Variants in GRIN2A observed in about 807,000 individuals in gnomAD.
GRIN2A encodes the protein glutamate ionotropic receptor NMDA type subunit 2A.
In GRIN2A, 22 loss-of-function variants were observed where a neutral mutation model predicts 113.4. That is an observed-to-expected ratio of 0.19 (90% CI 0.14 to 0.28). The LOEUF (loss-of-function observed/expected upper bound fraction) is 0.28. Among genes scored for constraint, GRIN2A ranks in the 10% least tolerant of loss-of-function variants. The probability of loss-of-function intolerance (pLI) is 1.00; values close to 1 mark genes in which losing one functional copy is unlikely to be tolerated. For synonymous variants in GRIN2A, 827 were observed against 738.4 expected (o/e 1.12, Z -1.94); for missense variants, 1,502 against 1,887.0 (o/e 0.80, Z 3.78).
At chr16:9,928,830 A>T (rs2044524871) in intron 3 of GRIN2A, among the ~76,000 whole-genome samples, 1 of 152,190 alleles carries the variant, frequency 6.6e-6, no homozygotes, top group African/African-American at 2.4e-5. Flanking sequence ...GACTTGCCAT[A>T]CTTTCTCAAT....
intron 10 of GRIN2A, among the ~76,000 whole-genome samples, chr16:9,819,359 C>G (rs775464356): frequency 2.0e-5 from 3 of 151,500 alleles, no homozygotes; most frequent in Non-Finnish European, 4.4e-5. Context: ...CATCTCCACA[C>G]GAAACACAAA....
intron 2 of GRIN2A, among the ~76,000 whole-genome samples, chr16:10,154,127 G>A (rs2049640040): frequency 1.3e-5 from 2 of 152,114 alleles, no homozygotes; most frequent in Admixed American, 1.3e-4. Context: ...AATGTGAGCT[G>A]AAGCCCTTAA....
In GRIN2A at chr16:9,754,701, C is replaced by A. The variant is rs557950577; in HGVS notation, c.*8448G>T. On this transcript the variant is annotated 3_prime_UTR_variant, in exon 13 of 13. Coordinates refer to ENST00000330684, the MANE Select transcript of GRIN2A (RefSeq NM_001134407.3). The stretch of plus-strand genomic sequence containing the variant: ...TGTTCATTCACTTGAATTAGCTTGA[C>A]TGAGAACAGAAATAATTAAATAAGT... The A allele has an allele frequency of 9.1e-6, 2 of 219,400 alleles. No individual in the cohort carries two copies. The highest frequency in any genetic ancestry group is 3.7e-4 in the South Asian group (2 of 5,382). 13.6% of individuals were successfully genotyped at this position (219,400 alleles called of 1,614,324 possible).
At chr16:10,108,850 T>C (rs778366981) in intron 2 of GRIN2A, among the ~76,000 whole-genome samples, 4 of 151,918 alleles carry the variant, frequency 2.6e-5, no homozygotes, top group African/African-American at 9.7e-5. Context: ...TAATTACACA[T>C]AGACCTGAGG....
intron 3 of GRIN2A, among the ~76,000 whole-genome samples, chr16:9,893,100 T>G (rs1596548776): frequency 6.6e-6 from 1 of 151,968 alleles, no homozygotes; most frequent in Non-Finnish European, 1.5e-5. Flanking sequence ...AAGGACAAAG[T>G]GAAGAAATTG....
At chr16:9,918,164 T>C (rs1567175082) in intron 3 of GRIN2A, among the ~76,000 whole-genome samples, 1 of 152,190 alleles carries the variant, frequency 6.6e-6, no homozygotes, top group Non-Finnish European at 1.5e-5. Flanking sequence ...GAAGCTCAGA[T>C]ATATTTAGTT....
chr16:9,816,010 AAAGAC>A (rs1318891472), intron 10 of GRIN2A, among the ~76,000 whole-genome samples: 3 of 152,246 alleles, frequency 2.0e-5, no homozygotes, highest in Non-Finnish European at 4.4e-5. Flanking sequence ...CTAGTCACAA[AAAGAC>A]AAATACCGTA....
At chr16:9,923,017 A>T (rs1178242427) in intron 3 of GRIN2A, among the ~76,000 whole-genome samples, 1 of 152,152 alleles carries the variant, frequency 6.6e-6, no homozygotes, top group Non-Finnish European at 1.5e-5. Flanking sequence ...TGACATTGTT[A>T]AAATCATCTG....
intron 11 of GRIN2A, among the ~76,000 whole-genome samples, chr16:9,781,586 C>T (rs1901938917): frequency 6.6e-6 from 1 of 152,080 alleles, no homozygotes; most frequent in African/African-American, 2.4e-5. Flanking sequence ...GTCTTGAACT[C>T]CTGGGCTCAA....
chr16:9,775,296 T>A (rs902367557), intron 11 of GRIN2A, among the ~76,000 whole-genome samples: 2 of 152,134 alleles, frequency 1.3e-5, no homozygotes, highest in African/African-American at 4.8e-5. Context: ...AGAAGCTGAG[T>A]TCGATGTTCT....
At chr16:9,950,065 T>C (rs1448715912) in intron 2 of GRIN2A, among the ~76,000 whole-genome samples, 2 of 152,152 alleles carry the variant, frequency 1.3e-5, no homozygotes, top group Non-Finnish European at 2.9e-5. Context: ...TTCTTCACTG[T>C]CTGAACCCTT....
chr16:9,854,968 C>T (rs1293809699), intron 4 of GRIN2A, among the ~76,000 whole-genome samples: 3 of 151,350 alleles, frequency 2.0e-5, no homozygotes, highest in African/African-American at 7.3e-5. Context: ...TATATTTATA[C>T]ACAACCAGGA....
rs573991707 is a variant in GRIN2A, at chr16:9,824,025, C to T, written c.2008-1601G>A. Among the ~76,000 whole-genome samples the T allele has an allele frequency of 1.6e-4, 25 of 152,336 alleles. No homozygotes were observed. In the South Asian group the frequency reaches 5.2e-3, roughly 32 times the overall value. On this transcript the variant is annotated intron_variant, in intron 9 of 12. Coordinates refer to ENST00000330684, the MANE Select transcript of GRIN2A (RefSeq NM_001134407.3). The stretch of plus-strand genomic sequence containing the variant: ...TAAGTGTCCAAATTTACCCAAGAGT[C>T]AAACCAGCTAGAAACATTATTCTTT...
intron 2 of GRIN2A, among the ~76,000 whole-genome samples, chr16:10,132,953 G>C (rs545745333): frequency 6.6e-6 from 1 of 152,226 alleles, no homozygotes; most frequent in South Asian, 2.1e-4. Flanking sequence ...ACCTTTTCCA[G>C]TTTGTAGAGT....
intron 2 of GRIN2A, among the ~76,000 whole-genome samples, chr16:10,123,980 C>T (rs2048880209): frequency 1.3e-5 from 2 of 152,134 alleles, no homozygotes; most frequent in Non-Finnish European, 2.9e-5. Flanking sequence ...CTGTTTCTGC[C>T]CTGGTGTAAT....
intron 3 of GRIN2A, among the ~76,000 whole-genome samples, chr16:9,900,583 C>T (rs1426705086): frequency 6.6e-6 from 1 of 152,180 alleles, no homozygotes; most frequent in African/African-American, 2.4e-5. Flanking sequence ...AAGATTTCAA[C>T]TAGAAGCAGG....
intron 2 of GRIN2A, among the ~76,000 whole-genome samples, chr16:9,984,613 C>A (rs1195498705): frequency 1.3e-5 from 2 of 152,156 alleles, no homozygotes; most frequent in Admixed American, 1.3e-4. Flanking sequence ...AGCTGTTGTC[C>A]TCAGAATGGT....
intron 2 of GRIN2A, among the ~76,000 whole-genome samples, chr16:10,070,605 G>C (rs537806199): frequency 6.6e-6 from 1 of 152,174 alleles, no homozygotes; most frequent in Non-Finnish European, 1.5e-5. Context: ...GTGACACTGA[G>C]ATATTTATAA....
At chr16:10,009,127 G>A (rs1423717166) in intron 2 of GRIN2A, among the ~76,000 whole-genome samples, 1 of 152,180 alleles carries the variant, frequency 6.6e-6, no homozygotes, top group Non-Finnish European at 1.5e-5. Flanking sequence ...TGACCACTTT[G>A]ATCCATAAAG....
Sources: gnomAD v4.1 joint callset for allele counts (sites outside exome capture counted in the v4.1 genomes callset) on GRCh38, gnomAD v4.1.1 for gene constraint, MANE v1.5 for transcripts, NCBI Gene and HGNC (gene_info 2026-07-23, HGNC 2026-07-21) for gene names.